The following KIF27 variants were observed in gnomAD, a reference collection of about 807,000 sequenced individuals.
KIF27 encodes kinesin-like protein KIF27.
In KIF27, 84 loss-of-function variants were observed where a neutral mutation model predicts 141.8. That is an observed-to-expected ratio of 0.59 (90% CI 0.50 to 0.71). The LOEUF (loss-of-function observed/expected upper bound fraction) is 0.71, where lower values mean the gene tolerates loss of function less well. KIF27 is among the 30% of genes least tolerant of loss of function. KIF27 has a pLI of 0.00. For missense variants in KIF27, 1,306 were observed against 1,628.4 expected (o/e 0.80, Z 3.41); for synonymous variants, 471 against 569.5 (o/e 0.83, Z 2.46).
intron 14 of KIF27, among the ~76,000 whole-genome samples, chr9:83,856,246 C>A (rs1317753922): frequency 2.0e-5 from 3 of 152,010 alleles, no homozygotes; most frequent in African/African-American, 4.8e-5. Flanking sequence ...GTCCAGAGAC[C>A]AAGTAAAATG....
At chr9:83,861,541 G>C (rs928991271) in intron 13 of KIF27, among the ~76,000 whole-genome samples, 2 of 152,126 alleles carry the variant, frequency 1.3e-5, no homozygotes, top group Non-Finnish European at 2.9e-5. Context: ...AGTATTCCAC[G>C]GTGTGTATGT....
At chr9:83,896,615 G>C (rs1378433394) in intron 5 of KIF27, among the ~76,000 whole-genome samples, 1 of 152,148 alleles carries the variant, frequency 6.6e-6, no homozygotes, top group African/African-American at 2.4e-5. Flanking sequence ...TATGGATTAG[G>C]AGACTCAATC....
Position 83,891,598 on chromosome 9 carries a change from A to T in KIF27, c.1603-97T>A, listed in dbSNP as rs556500103. ...TTTTACATTGACCAAAATCATAACT[A>T]CTTTAATAATACAGTCAATTCTCAT... On this transcript the variant is annotated intron_variant, in intron 5 of 17. Transcript: ENST00000297814. 3.1e-3 allele frequency: 3,355 copies of T among 1,091,112 alleles called. 7 individuals are homozygous for T. The highest frequency in any genetic ancestry group is 3.8e-3 in the Non-Finnish European group (2,885 of 765,624). The allele number at this position is 1,091,112 out of a possible 1,614,324, so 67.6% of individuals were successfully genotyped here. A position where few individuals can be genotyped will look rare whatever the true frequency, so the allele number is the denominator to read the frequency against.
At chr9:83,841,830 T>C (rs1408643246) in intron 17 of KIF27, among the ~76,000 whole-genome samples, 1 of 152,206 alleles carries the variant, frequency 6.6e-6, no homozygotes, top group Non-Finnish European at 1.5e-5. Context: ...TTTCCAGGGT[T>C]CATGATATAT....
chr9:83,900,011 T>C (rs1953701524), intron 4 of KIF27, among the ~76,000 whole-genome samples: 2 of 152,200 alleles, frequency 1.3e-5, no homozygotes, highest in Non-Finnish European at 2.9e-5. Flanking sequence ...TTCATTACCA[T>C]GAAGACAGAA....
intron 11 of KIF27, among the ~76,000 whole-genome samples, chr9:83,877,876 T>A (rs1376695812): frequency 1.3e-5 from 2 of 152,096 alleles, no homozygotes; most frequent in Non-Finnish European, 2.9e-5. Flanking sequence ...AGAAGATTTA[T>A]GAACAGCCAA....
chr9:83,903,335 G>GAATCCT lies in KIF27; in HGVS notation c.1177_1182dup (p.Arg393_Ile394dup). ...TGAGCTACTTGCTCCTCAAGAGAAT[G>GAATCCT]AATCCTATTTGTATCAGGACTCCCT... On this transcript the variant is annotated inframe_insertion, in exon 4 of 18. Coordinates refer to ENST00000297814, the MANE Select transcript of KIF27 (RefSeq NM_017576.4). 1 of 1,614,182 alleles carries GAATCCT rather than the reference G, an allele frequency of 6.2e-7. No homozygotes were observed. Among genetic ancestry groups the GAATCCT allele is most frequent in the Non-Finnish European group, 8.5e-7 (1 of 1,180,038 alleles).
chr9:83,885,675 A>G lies in KIF27; in HGVS notation c.2239+1366T>C, dbSNP rs564929415. On this transcript the variant is annotated intron_variant, in intron 9 of 17. Transcript: ENST00000297814. Reference sequence around the variant, plus strand: ...TTGAGACGGTCTTGCTCTGTCACCTAGGCTGGAATGCAGTGGTGCAATCAT... The same window carrying G: ...TTGAGACGGTCTTGCTCTGTCACCTGGGCTGGAATGCAGTGGTGCAATCAT... Among the ~76,000 whole-genome samples, 62 of 152,232 alleles carry G rather than the reference A, an allele frequency of 4.1e-4. 1 individual carries two copies. The highest frequency in any genetic ancestry group is 1.4e-3 in the African/African-American group (58 of 41,546).
Position 83,870,547 on chromosome 9 carries a change from C to A in KIF27, c.2729G>T (p.Gly910Val), listed in dbSNP as rs1166245954. The change falls in exon 12 of 18, where the codon GGT becomes GTT. Residue 910 changes from glycine (G) to valine (V), a missense_variant. Physicochemically the swap from Gly to Val is moderately radical, Grantham distance 109 (BLOSUM62 -3). Coordinates refer to ENST00000297814, the MANE Select transcript of KIF27 (RefSeq NM_017576.4). ...LDACNLKRRK[G>V]SFGSIDHLQK... ...GAGATGGTCTATACTTCCAAACGAA[C>A]CTTTTCTCCTTTTCAAGTTACATGC... 6.2e-7 allele frequency: 1 copy of A among 1,613,804 alleles called. No individual in the cohort carries two copies. Among genetic ancestry groups the A allele is most frequent in the South Asian group, 1.1e-5 (1 of 91,070 alleles).
intron 11 of KIF27, among the ~76,000 whole-genome samples, chr9:83,877,221 A>G (rs2132140629): frequency 6.6e-6 from 1 of 152,280 alleles, no homozygotes; most frequent in South Asian, 2.1e-4. Flanking sequence ...AGTACCTGAA[A>G]TCCATTCTCT....
chr9:83,844,456 A>G (rs1947000788), intron 16 of KIF27, among the ~76,000 whole-genome samples: 1 of 151,822 alleles, frequency 6.6e-6, no homozygotes, highest in South Asian at 2.1e-4. Flanking sequence ...ACAGAATATT[A>G]AGGATGGAGT....
chr9:83,889,745 C>T (rs1445125245), intron 6 of KIF27, among the ~76,000 whole-genome samples: 1 of 151,938 alleles, frequency 6.6e-6, no homozygotes, highest in Non-Finnish European at 1.5e-5. Flanking sequence ...AATCTGAATA[C>T]CACAATGTAT....
At chr9:83,839,892 G>C (rs1946364594) in intron 17 of KIF27, among the ~76,000 whole-genome samples, 1 of 152,150 alleles carries the variant, frequency 6.6e-6, no homozygotes, top group Non-Finnish European at 1.5e-5. Flanking sequence ...GCAGTGAGCT[G>C]AGATAGCACC....
chr9:83,897,095 A>G (rs1215518332), intron 5 of KIF27, among the ~76,000 whole-genome samples: 2 of 152,160 alleles, frequency 1.3e-5, no homozygotes, highest in African/African-American at 4.8e-5. Flanking sequence ...TTATATCTCA[A>G]TAAAGTAATT....
intron 16 of KIF27, among the ~76,000 whole-genome samples, chr9:83,848,242 T>C (rs539856377): frequency 9.4e-6 from 1 of 106,456 alleles, no homozygotes; most frequent in Admixed American, 9.8e-5. Context: ...ATATATATGA[T>C]ATATCAGATA....
At chr9:83,860,704 G>A (rs1322484410) in intron 13 of KIF27, among the ~76,000 whole-genome samples, 1 of 152,118 alleles carries the variant, frequency 6.6e-6, no homozygotes, top group East Asian at 1.9e-4. Context: ...TTTGCCTGGA[G>A]CATCCATCCT....
chr9:83,908,633 T>C lies in KIF27; in HGVS notation c.318A>G (p.Gln106=). 1.2e-6 allele frequency: 2 copies of C among 1,605,142 alleles called. No homozygotes were observed. Among genetic ancestry groups the C allele is most frequent in the Non-Finnish European group, 1.7e-6 (2 of 1,175,534 alleles). ...GGHIASVVEG[Q]KGIIPRAIQE... is the part of the protein sequence containing the mutation. ...GAATAGCTCGAGGAATGATACCCTT[T>C]TGGCCCTCCACAACTGAAGCTGAAA... The change falls in exon 3 of 18, where the codon CAA becomes CAG. Residue 106 remains glutamine (Q), a synonymous_variant. Coordinates refer to ENST00000297814, the MANE Select transcript of KIF27 (RefSeq NM_017576.4).
At chr9:83,918,716 G>C (rs1955949600) in intron 1 of KIF27, among the ~76,000 whole-genome samples, 1 of 152,040 alleles carries the variant, frequency 6.6e-6, no homozygotes, top group African/African-American at 2.4e-5. Context: ...TGAGGTGGGA[G>C]GATGACCTGA....
intron 16 of KIF27, among the ~76,000 whole-genome samples, chr9:83,843,859 A>G (rs537805066): frequency 4.7e-4 from 71 of 152,242 alleles, no homozygotes; most frequent in African/African-American, 1.6e-3. Flanking sequence ...GGTAGCTGGG[A>G]CCACAGGCAC....
Sources: allele counts gnomAD v4.1 joint callset (sites outside exome capture counted in the v4.1 genomes callset), GRCh38; gene constraint gnomAD v4.1.1; transcripts MANE v1.5; gene names NCBI Gene and HGNC (gene_info 2026-07-23, HGNC 2026-07-21).